Variants in TULP4 observed in about 807,000 individuals in gnomAD.
The protein encoded by TULP4 is TUB like protein 4.
A neutral mutation model predicts 129.0 loss-of-function variants in TULP4; 16 were observed. That is an observed-to-expected ratio of 0.12 (90% confidence interval 0.08 to 0.19). TULP4 has a LOEUF of 0.19. TULP4 is among the 10% of genes least tolerant of loss of function. The pLI is 1.00. For synonymous variants in TULP4, 998 were observed against 854.0 expected, an observed-to-expected ratio of 1.17 and a Z score of -2.94; for missense variants, 1,842 against 2,059.1, an observed-to-expected ratio of 0.89 and a Z score of 2.04.
At position 158,454,018 on chromosome 6, in the gene TULP4, A is replaced by ACTCCCC. The variant is rs373934513; in HGVS notation, c.859+1751_859+1752insTCCCCC. ...TGGCAAGAATCATACCTGCCTCTGC[A>ACTCCCC]CCGCCCCCCCCCAAGTAATTACTCT... On this transcript the variant is annotated intron_variant, in intron 5 of 13. Transcript: ENST00000367097. Among the ~76,000 whole-genome samples, 100 of 114,616 alleles carry ACTCCCC rather than the reference A, an allele frequency of 8.7e-4. 4 individuals carry two copies. Among genetic ancestry groups the ACTCCCC allele is most frequent in the Non-Finnish European group, 1.3e-3 (71 of 55,458 alleles). 75.2% of individuals were successfully genotyped at this position (114,616 alleles called of 152,430 possible). A position where few individuals can be genotyped will look rare whatever the true frequency, so the allele number is the denominator to read the frequency against.
intron 1 of TULP4, among the ~76,000 whole-genome samples, chr6:158,348,173 G>GTTTTTTTTT (rs34217788): frequency 3.6e-5 from 4 of 112,170 alleles, no homozygotes; most frequent in East Asian, 2.5e-4. Context: ...TTTTTTTAAG[G>GTTTTTTTTT]TTTTTTTTTT....
At position 158,444,219 on chromosome 6, in the gene TULP4, C is replaced by CAAAAA. The variant is rs71030171; in HGVS notation, c.544-4754_544-4750dup. On this transcript the variant is annotated intron_variant, in intron 3 of 13. Transcript: ENST00000367097. The stretch of plus-strand genomic sequence containing the variant: ...TGGGCGACAGAGCAAGACTCTGTCT[C>CAAAAA]AAAAAAAAAAAAAAAAAAAAAAAAA... Among the ~76,000 whole-genome samples the CAAAAA allele has an allele frequency of 3.8e-3, 128 of 34,106 alleles. 28 individuals carry two copies. Among genetic ancestry groups the CAAAAA allele is most frequent in the African/African-American group, 0.012 (104 of 8,718 alleles). The allele number at this position is 34,106 out of a possible 152,430, so 22.4% of individuals were successfully genotyped here. A position where few individuals can be genotyped will look rare whatever the true frequency, so the allele number is the denominator to read the frequency against.
At chr6:158,347,462 ACTTTT>A (rs1394076047) in intron 1 of TULP4, among the ~76,000 whole-genome samples, 2 of 152,070 alleles carry the variant, frequency 1.3e-5, no homozygotes, top group Non-Finnish European at 2.9e-5. Context: ...TCTCTTCTGG[ACTTTT>A]CTTTTAGTCC....
At chr6:158,368,798 C>T (rs781480489) in intron 1 of TULP4, among the ~76,000 whole-genome samples, 17 of 152,160 alleles carry the variant, frequency 1.1e-4, no homozygotes, top group Non-Finnish European at 1.9e-4. Flanking sequence ...TTTTTAAATA[C>T]ATAAAAATTA....
chr6:158,244,299 GA>G (rs887226747), intron 1 of TULP4, among the ~76,000 whole-genome samples: 3 of 151,628 alleles, frequency 2.0e-5, no homozygotes, highest in African/African-American at 4.8e-5. Context: ...ATTTTTAAAA[GA>G]AAAAAAACCT....
chr6:158,296,322 A>G (rs1320973766), intron 1 of TULP4, among the ~76,000 whole-genome samples: 4 of 150,432 alleles, frequency 2.7e-5, no homozygotes, highest in African/African-American at 7.3e-5. Context: ...TCTATTTTCC[A>G]TAAGTGTCGG....
In TULP4 at chr6:158,241,839, T is replaced by G. The variant is rs2128446497; in HGVS notation, n.68+9536T>G. On this transcript the variant is annotated intron_variant and non_coding_transcript_variant, in intron 1 of 1. Transcript: ENST00000620026. ...CGAACTCCTGACCTTGTGATCTGCC[T>G]GCCTCCGCCTCCCAAAGTGCTGGGA... 4 of 609,790 alleles carry G rather than the reference T, an allele frequency of 6.6e-6. 1 individual carries two copies. In the Middle Eastern group the frequency reaches 1.9e-3, roughly 285 times the overall value. The allele number at this position is 609,790 out of a possible 1,614,324, so 37.8% of individuals were successfully genotyped here. A position where few individuals can be genotyped will look rare whatever the true frequency, so the allele number is the denominator to read the frequency against.
intron 1 of TULP4, among the ~76,000 whole-genome samples, chr6:158,388,135 T>A (rs1490211518): frequency 2.6e-5 from 4 of 152,076 alleles, no homozygotes; most frequent in Non-Finnish European, 5.9e-5. Flanking sequence ...TTAGCCAGAG[T>A]AATCTCATCT....
chr6:158,236,492 C>G (rs966978643), intron 1 of TULP4, among the ~76,000 whole-genome samples: 2 of 151,896 alleles, frequency 1.3e-5, no homozygotes, highest in African/African-American at 4.8e-5. Context: ...TGTGGCCATT[C>G]ATTTAATTAA....
At chr6:158,418,507 T>C (rs1313522343) in intron 2 of TULP4, among the ~76,000 whole-genome samples, 1 of 151,966 alleles carries the variant, frequency 6.6e-6, no homozygotes, top group Non-Finnish European at 1.5e-5. Context: ...TAAACCCAAA[T>C]TGAGCCAAGT....
At position 158,413,967 on chromosome 6, in the gene TULP4, G is replaced by A. The variant is rs533100146; in HGVS notation, c.381+774G>A. Reference sequence around the variant, plus strand: ...CTCTCAGAATGATTTCCCTGTGGCTGCCTTTCTATACACTTCTAAGGTACT... The same window carrying A: ...CTCTCAGAATGATTTCCCTGTGGCTACCTTTCTATACACTTCTAAGGTACT... On this transcript the variant is annotated intron_variant, in intron 2 of 13. Coordinates refer to ENST00000367097, the MANE Select transcript of TULP4 (RefSeq NM_020245.5). This position sits in a 1 kb window ranked among gnomAD's most constrained non-coding sequence, Gnocchi z 4.9. Among the ~76,000 whole-genome samples, 35 of 152,334 alleles carry A rather than the reference G, an allele frequency of 2.3e-4. No individual in the cohort carries two copies. Among genetic ancestry groups the A allele is most frequent in the African/African-American group, 8.4e-4 (35 of 41,574 alleles).
intron 1 of TULP4, among the ~76,000 whole-genome samples, chr6:158,337,441 A>G (rs973643139): frequency 6.6e-6 from 1 of 152,068 alleles, no homozygotes; most frequent in African/African-American, 2.4e-5. Flanking sequence ...AGCTGTAAAA[A>G]TTTTTAGCCT....
chr6:158,402,888 G>GTTTTTTTTTTT (rs34604658), intron 1 of TULP4, among the ~76,000 whole-genome samples: 1 of 127,958 alleles, frequency 7.8e-6, no homozygotes, highest in Non-Finnish European at 1.7e-5. Context: ...GGCTTTGGGA[G>GTTTTTTTTTTT]TTTTTTTTTT....
At position 158,357,939 on chromosome 6, in the gene TULP4, G is replaced by T. The variant is rs181699238; in HGVS notation, c.252+43671G>T. ...ATACTTAGTAAGGAGGTGAGGTTGG[G>T]TGTGACGCTCATTCTTCTGGACCCA... On this transcript the variant is annotated intron_variant, in intron 1 of 13. Transcript: ENST00000367097. Among the ~76,000 whole-genome samples, 67 of 152,286 alleles carry T rather than the reference G, an allele frequency of 4.4e-4. 1 individual carries two copies. The highest frequency in any genetic ancestry group is 1.6e-3 in the African/African-American group (66 of 41,564).
In TULP4 at chr6:158,506,768, C is replaced by G. The variant is rs150125620; in HGVS notation, c.*74C>G. ...TCTTCGGAGATGCCAGAGGAGCCCT[C>G]TAGGGGTCCGATGCCTGGGAGGACC... On this transcript the variant is annotated 3_prime_UTR_variant, in exon 14 of 14. Coordinates refer to ENST00000367097, the MANE Select transcript of TULP4 (RefSeq NM_020245.5). 9.4e-7 allele frequency: 1 copy of G among 1,065,906 alleles called. No homozygotes were observed. Among genetic ancestry groups the G allele is most frequent in the Non-Finnish European group, 1.4e-6 (1 of 698,174 alleles). The allele number at this position is 1,065,906 out of a possible 1,614,324, so 66.0% of individuals were successfully genotyped here. A position where few individuals can be genotyped will look rare whatever the true frequency, so the allele number is the denominator to read the frequency against.
chr6:158,378,463 G>GTTTTTT (rs61250704), intron 1 of TULP4, among the ~76,000 whole-genome samples: 6,701 of 53,108 alleles, frequency 0.13, 1,628 homozygotes, highest in African/African-American at 0.21. Context: ...GGGGGAGCCA[G>GTTTTTT]TTTTTTTTTT....
intron 11 of TULP4, among the ~76,000 whole-genome samples, chr6:158,496,750 G>A (rs1780346697): frequency 1.3e-5 from 2 of 152,178 alleles, no homozygotes; most frequent in Non-Finnish European, 2.9e-5. Context: ...TTACTAAATG[G>A]GTCTTTTCAT....
Position 158,313,618 on chromosome 6 carries a change from A to G in TULP4, c.-399A>G, listed in dbSNP as rs1779414701. 2.4e-6 allele frequency: 1 copy of G among 425,024 alleles called. No homozygotes were observed. The highest frequency in any genetic ancestry group is 2.0e-5 in the African/African-American group (1 of 48,988). The allele number at this position is 425,024 out of a possible 1,614,324, so 26.3% of individuals were successfully genotyped here. ...AACCCTTTGTCTCTGGAATCATATT[A>G]CACTAAACTGGAATCTCAGGCTGAA... On this transcript the variant is annotated 5_prime_UTR_variant, in exon 1 of 14. Transcript: ENST00000367097.
intron 1 of TULP4, among the ~76,000 whole-genome samples, chr6:158,373,179 TCAA>T (rs1275298354): frequency 6.6e-6 from 1 of 152,186 alleles, no homozygotes; most frequent in Non-Finnish European, 1.5e-5. Context: ...AATAGGAGTT[TCAA>T]CAACAACAAT....
Sources: allele counts gnomAD v4.1 joint callset (sites outside exome capture counted in the v4.1 genomes callset), GRCh38; gene constraint gnomAD v4.1.1; non-coding constraint Gnocchi (gnomAD v3.1); transcripts MANE v1.5; gene names NCBI Gene and HGNC (gene_info 2026-07-23, HGNC 2026-07-21).